Variants in CAMK1D observed in about 807,000 individuals in gnomAD.
CAMK1D encodes the protein calcium/calmodulin dependent protein kinase ID.
A neutral mutation model predicts 47.7 loss-of-function variants in CAMK1D; 9 were observed. The observed-to-expected ratio is 0.19, with a 90% CI of 0.11 to 0.33. CAMK1D has a LOEUF of 0.33. CAMK1D is among the 10% of genes least tolerant of loss of function. The pLI is 1.00. For synonymous variants in CAMK1D, 184 were observed against 184.9 expected, an observed-to-expected ratio of 0.99 and a Z score of 0.04; for missense variants, 291 against 488.7, an observed-to-expected ratio of 0.60 and a Z score of 3.81.
At chr10:12,809,786 G>A (rs759304756) in intron 6 of CAMK1D, among the ~76,000 whole-genome samples, 4 of 152,162 alleles carry the variant, frequency 2.6e-5, no homozygotes, top group Non-Finnish European at 4.4e-5. Flanking sequence ...AGTGAAGCAA[G>A]ATAAATGTGT....
chr10:12,795,178 C>A (rs1010165600), intron 6 of CAMK1D, among the ~76,000 whole-genome samples: 1 of 151,992 alleles, frequency 6.6e-6, no homozygotes, highest in South Asian at 2.1e-4. Flanking sequence ...GTTGGATAAG[C>A]AGAGAGATAA....
chr10:12,538,404 T>C (rs542538684), intron 1 of CAMK1D, among the ~76,000 whole-genome samples: 2 of 152,218 alleles, frequency 1.3e-5, no homozygotes, highest in African/African-American at 4.8e-5. Context: ...GGGAGGTCAT[T>C]TTGCTGCTGC....
intron 2 of CAMK1D, among the ~76,000 whole-genome samples, chr10:12,650,700 C>G (rs1398881247): frequency 6.6e-6 from 1 of 152,228 alleles, no homozygotes; most frequent in Non-Finnish European, 1.5e-5. Flanking sequence ...TGCAGCGCAG[C>G]TGGAGCATCC....
intron 2 of CAMK1D, among the ~76,000 whole-genome samples, chr10:12,582,601 T>C (rs986163925): frequency 6.6e-6 from 1 of 152,208 alleles, no homozygotes. Flanking sequence ...CTTGGTTAGG[T>C]ATATTACCAA....
At chr10:12,621,068 G>T (rs1453476687) in intron 2 of CAMK1D, among the ~76,000 whole-genome samples, 1 of 152,178 alleles carries the variant, frequency 6.6e-6, no homozygotes, top group Non-Finnish European at 1.5e-5. Context: ...CCACTGAATT[G>T]CTTTTGCATC....
intron 2 of CAMK1D, among the ~76,000 whole-genome samples, chr10:12,558,971 C>T (rs1203565479): frequency 1.3e-5 from 2 of 152,098 alleles, no homozygotes; most frequent in Non-Finnish European, 2.9e-5. Context: ...TGTTTCTCAG[C>T]CCTGGCTGCA....
At chr10:12,357,339 G>A (rs1028815179) in intron 1 of CAMK1D, among the ~76,000 whole-genome samples, 6 of 149,662 alleles carry the variant, frequency 4.0e-5, no homozygotes, top group Non-Finnish European at 7.4e-5. Context: ...TTTTTGAGAC[G>A]GAGTCTCACT....
intron 1 of CAMK1D, among the ~76,000 whole-genome samples, chr10:12,500,207 A>G (rs146259934): frequency 6.6e-6 from 1 of 152,196 alleles, no homozygotes; most frequent in Non-Finnish European, 1.5e-5. Context: ...TGGAGGTTGC[A>G]GTGAGCTGAG....
chr10:12,541,851 C>CTTCG (rs1836196651), intron 1 of CAMK1D, among the ~76,000 whole-genome samples: 1 of 119,270 alleles, frequency 8.4e-6, no homozygotes, highest in Admixed American at 8.3e-5. Flanking sequence ...ATCTTCCTTC[C>CTTCG]TTCCTTCCTT....
At position 12,406,292 on chromosome 10, in the gene CAMK1D, C is replaced by T. The variant is rs183829219; in HGVS notation, c.92+56382C>T. On this transcript the variant is annotated intron_variant, in intron 1 of 10. Coordinates refer to ENST00000619168, the MANE Select transcript of CAMK1D (RefSeq NM_153498.4). ...AACAGCTCCCTCCCTGGTTCAGGAC[C>T]GTCATGTCGCGCCAAACACCAAAAC... 2.1e-3 allele frequency among the ~76,000 whole-genome samples: 322 copies of T among 152,152 alleles called. 3 individuals are homozygous for T. The highest frequency in any genetic ancestry group is 7.1e-3 in the African/African-American group (295 of 41,486).
chr10:12,392,978 A>G (rs921845307), intron 1 of CAMK1D, among the ~76,000 whole-genome samples: 1 of 151,948 alleles, frequency 6.6e-6, no homozygotes, highest in Non-Finnish European at 1.5e-5. Context: ...CCAGGTTCTT[A>G]GCTACAACTG....
At chr10:12,358,594 G>A (rs976231096) in intron 1 of CAMK1D, among the ~76,000 whole-genome samples, 11 of 152,140 alleles carry the variant, frequency 7.2e-5, no homozygotes, top group African/African-American at 2.7e-4. Context: ...AACCTTGAGA[G>A]CAAGCCTTTG....
chr10:12,785,421 G>A (rs542704614), intron 5 of CAMK1D, among the ~76,000 whole-genome samples: 28 of 152,318 alleles, frequency 1.8e-4, no homozygotes, highest in African/African-American at 6.5e-4. Context: ...GGAGGCATGG[G>A]AGCAGCAGGG....
chr10:12,771,546 G>A (rs563732412), intron 5 of CAMK1D, among the ~76,000 whole-genome samples: 62 of 152,308 alleles, frequency 4.1e-4, no homozygotes, highest in Non-Finnish European at 8.7e-4. Flanking sequence ...GGAAAGACAA[G>A]AGCAGGCTGA....
chr10:12,814,904 C>T (rs1832738885), intron 7 of CAMK1D, among the ~76,000 whole-genome samples: 1 of 152,212 alleles, frequency 6.6e-6, no homozygotes, highest in Admixed American at 6.5e-5. Context: ...TGGGGACCCA[C>T]TCATCCACCT....
chr10:12,825,552 T>C, intron 9 of CAMK1D, 21 bp from the exon 10 acceptor site: 1 of 1,604,226 alleles, frequency 6.2e-7, no homozygotes. Context: ...TTGTCTGCTT[T>C]TTTCCTTTCT....
chr10:12,453,484 G>A lies in CAMK1D; in HGVS notation c.93-99741G>A, dbSNP rs116602050. 6.4e-3 allele frequency among the ~76,000 whole-genome samples: 978 copies of A among 152,172 alleles called. 11 individuals carry two copies. Among genetic ancestry groups the A allele is most frequent in the African/African-American group, 0.022 (916 of 41,528 alleles). On this transcript the variant is annotated intron_variant, in intron 1 of 10. Transcript: ENST00000619168. ...ATTACAGGTATGAGCCACTGTGCCC[G>A]GCCAGAATTTTCTTCCTTTTTAAGG...
chr10:12,663,310 G>T (rs1369726522), intron 2 of CAMK1D, among the ~76,000 whole-genome samples: 5 of 152,234 alleles, frequency 3.3e-5, no homozygotes, highest in African/African-American at 1.2e-4. Context: ...TTTACCCTGG[G>T]ATCAGTATTT....
At chr10:12,522,420 A>G (rs1385250522) in intron 1 of CAMK1D, among the ~76,000 whole-genome samples, 1 of 126,346 alleles carries the variant, frequency 7.9e-6, no homozygotes, top group Non-Finnish European at 1.7e-5. Flanking sequence ...TGCTGCCTTC[A>G]AGCATCTTTT....
Sources: gnomAD v4.1 joint callset for allele counts (sites outside exome capture counted in the v4.1 genomes callset) on GRCh38, gnomAD v4.1.1 for gene constraint, MANE v1.5 for transcripts, NCBI Gene and HGNC (gene_info 2026-07-23, HGNC 2026-07-21) for gene names.